VCF2: variants seen among roughly 807,000 people sequenced by gnomAD.
The protein encoded by VCF2 is VCP nuclear cofactor family member 2.
At chrX:55,153,650 C>T in the VCF2 span, among the ~76,000 whole-genome samples, 3 of 110,695 alleles carry the variant, frequency 2.7e-5, no homozygotes, top group South Asian at 3.9e-4. Context: ...CATGAGCCAC[C>T]GCGCCCGTCC....
the VCF2 span, chrX:55,161,120 G>A: frequency 1.7e-6 from 2 of 1,208,478 alleles, no homozygotes; most frequent in South Asian, 1.8e-5. Context: ...CGGCCGGAAA[G>A]GCCCCGACGA....
chrX:55,147,810 A>G, the VCF2 span, among the ~76,000 whole-genome samples: 1 of 109,973 alleles, frequency 9.1e-6, no homozygotes, highest in Non-Finnish European at 1.9e-5. Flanking sequence ...ATAGGCTAGA[A>G]GGGATTTCTT....
At chrX:55,157,189 T>A in the VCF2 span, among the ~76,000 whole-genome samples, 4 of 112,593 alleles carry the variant, frequency 3.6e-5, no homozygotes, top group Non-Finnish European at 7.5e-5. Context: ...TCAAACGTGA[T>A]GAGAATGACT....
chrX:55,159,144 A>C, the VCF2 span: 1 of 1,204,674 alleles, frequency 8.3e-7, no homozygotes. Context: ...TATCTTGAGA[A>C]TCCTGAAAGA....
chrX:55,150,341 A>T, the VCF2 span, among the ~76,000 whole-genome samples: 404 of 111,683 alleles, frequency 3.6e-3, no homozygotes, highest in Non-Finnish European at 5.1e-3. Flanking sequence ...TGTTCCACTC[A>T]GATCTTTAGG....
the VCF2 span, among the ~76,000 whole-genome samples, chrX:55,150,785 A>C: frequency 9.0e-6 from 1 of 111,111 alleles, no homozygotes; most frequent in Non-Finnish European, 1.9e-5. Flanking sequence ...AACTTTGGAG[A>C]CTGTGATACT....
At chrX:55,160,389 T>TA in the VCF2 span, among the ~76,000 whole-genome samples, 1 of 112,656 alleles carries the variant, frequency 8.9e-6, no homozygotes, top group Non-Finnish European at 1.9e-5. Context: ...GCATTGTTTT[T>TA]AAAACAGAGT....
chrX:55,146,213 G>A, the VCF2 span: 572 of 1,209,413 alleles, frequency 4.7e-4, 1 homozygote, highest in Non-Finnish European at 6.0e-4. Context: ...AGTTTGCATC[G>A]GGTTCAGTAA....
the VCF2 span, among the ~76,000 whole-genome samples, chrX:55,150,238 G>A: frequency 8.9e-6 from 1 of 111,920 alleles, no homozygotes; most frequent in South Asian, 3.8e-4. Context: ...GTACATGTCA[G>A]CAGTCCCCAA....
chrX:55,160,956 C>T, the VCF2 span: 2 of 1,165,409 alleles, frequency 1.7e-6, no homozygotes, highest in Non-Finnish European at 2.3e-6. Flanking sequence ...AGGGCCGCGC[C>T]ACCGGCCAAC....
the VCF2 span, among the ~76,000 whole-genome samples, chrX:55,155,007 G>T: frequency 8.9e-6 from 1 of 112,012 alleles, no homozygotes; most frequent in South Asian, 3.7e-4. Context: ...AATAGAGGAG[G>T]CTTCTTAAAA....
the VCF2 span, among the ~76,000 whole-genome samples, chrX:55,148,446 GTC>G: frequency 9.1e-6 from 1 of 109,960 alleles, no homozygotes; most frequent in Non-Finnish European, 1.9e-5. Context: ...GTAAAGAAAT[GTC>G]TCTTTCTTTA....
At chrX:55,155,419 A>C in the VCF2 span, among the ~76,000 whole-genome samples, 1 of 112,131 alleles carries the variant, frequency 8.9e-6, no homozygotes, top group Non-Finnish European at 1.9e-5. Flanking sequence ...GGAAATGTAA[A>C]GAAAGGGATA....
At chrX:55,143,907 T>A in the VCF2 span, 368 of 1,015,282 alleles carry the variant, frequency 3.6e-4, no homozygotes, top group Non-Finnish European at 4.7e-4. Context: ...TTGCATATTG[T>A]ATTTACTAGG....
chrX:55,154,836 C>T, the VCF2 span, among the ~76,000 whole-genome samples: 2 of 112,353 alleles, frequency 1.8e-5, no homozygotes, highest in African/African-American at 6.5e-5. Flanking sequence ...AACAAATATT[C>T]GCATGTCTAT....
chrX:55,146,495 C>T, the VCF2 span, among the ~76,000 whole-genome samples: 389 of 112,026 alleles, frequency 3.5e-3, 2 homozygotes, highest in Middle Eastern at 4.6e-3. Flanking sequence ...TTAACAGCCC[C>T]CATTTTACAG....
At chrX:55,143,916 G>C in the VCF2 span, 1 of 973,718 alleles carries the variant, frequency 1.0e-6, no homozygotes, top group Non-Finnish European at 1.5e-6. Context: ...GTATTTACTA[G>C]GACAAGAGAT....
the VCF2 span, among the ~76,000 whole-genome samples, chrX:55,144,520 A>C: frequency 2.7e-5 from 3 of 111,684 alleles, no homozygotes; most frequent in East Asian, 8.4e-4. Flanking sequence ...TTTTTTCCCC[A>C]TAACACTAAA....
chrX:55,150,620 C>A, the VCF2 span, among the ~76,000 whole-genome samples: 2 of 111,936 alleles, frequency 1.8e-5, no homozygotes, highest in Non-Finnish European at 3.8e-5. Context: ...TAGTTGTAAG[C>A]CACAGAAGTA....
Sources: allele counts gnomAD v4.1 joint callset (sites outside exome capture counted in the v4.1 genomes callset), GRCh38; gene constraint gnomAD v4.1.1; transcripts MANE v1.5; gene names NCBI Gene and HGNC (gene_info 2026-07-23, HGNC 2026-07-21).